The following KCNH5 variants were observed in gnomAD, a reference collection of about 807,000 sequenced individuals.
KCNH5 encodes voltage-gated delayed rectifier potassium channel KCNH5.
A neutral mutation model predicts 96.1 loss-of-function variants in KCNH5; 46 were observed. The observed-to-expected ratio is 0.48, with a 90% CI of 0.38 to 0.61. The LOEUF is 0.61. Ranked by LOEUF, KCNH5 falls within the 20% of genes least tolerant of loss-of-function variation. KCNH5 has a pLI of 0.00. For synonymous variants in KCNH5, 439 were observed against 449.8 expected (o/e 0.98, Z 0.30); for missense variants, 907 against 1,225.8 (o/e 0.74, Z 3.88).
intron 1 of KCNH5, among the ~76,000 whole-genome samples, chr14:63,036,749 G>T (rs1891729277): frequency 6.6e-6 from 1 of 152,088 alleles, no homozygotes; most frequent in Non-Finnish European, 1.5e-5. Context: ...CATTCTTTAG[G>T]AAGGAAAAGG....
intron 7 of KCNH5, among the ~76,000 whole-genome samples, chr14:62,938,969 T>C (rs369876768): frequency 1.3e-5 from 2 of 152,224 alleles, no homozygotes; most frequent in East Asian, 3.8e-4. Flanking sequence ...ATATTGGCTG[T>C]GAAAATTACT....
intron 9 of KCNH5, among the ~76,000 whole-genome samples, chr14:62,783,710 T>C (rs1483461357): frequency 6.6e-6 from 1 of 152,160 alleles, no homozygotes; most frequent in East Asian, 1.9e-4. Context: ...TTTAAAACCC[T>C]ATATGTCCAA....
Position 62,987,068 on chromosome 14 carries a change from T to G in KCNH5, c.549+4A>C. 6.2e-7 allele frequency: 1 copy of G among 1,602,536 alleles called. No individual in the cohort carries two copies. Among genetic ancestry groups the G allele is most frequent in the South Asian group, 1.1e-5 (1 of 90,792 alleles). On this transcript the variant is annotated splice_donor_region_variant and intron_variant, in intron 5 of 10. Coordinates refer to ENST00000322893, the MANE Select transcript of KCNH5 (RefSeq NM_139318.5). Reference sequence around the variant, plus strand: ...TTGGGAAGCAAAATTCATCTCATACTTACTTCAGCTAGTCTTGAATGTTTA... The same window carrying G: ...TTGGGAAGCAAAATTCATCTCATACGTACTTCAGCTAGTCTTGAATGTTTA...
chr14:62,908,782 ATTTTTTTTTTTTT>A lies in KCNH5; in HGVS notation c.1369+41338_1369+41350del, dbSNP rs71120241. 2.9e-3 allele frequency among the ~76,000 whole-genome samples: 68 copies of A among 23,722 alleles called. 2 individuals carry two copies. Among genetic ancestry groups the A allele is most frequent in the Middle Eastern group, 0.045 (1 of 22 alleles). 15.6% of individuals were successfully genotyped at this position (23,722 alleles called of 152,430 possible). ...TTGCCCTTTGTTGATTTTGCTTTGT[ATTTTTTTTTTTTT>A]TTTTTTTTTTTTTTTTTTGCTGTAA... On this transcript the variant is annotated intron_variant, in intron 7 of 10. Coordinates refer to ENST00000322893, the MANE Select transcript of KCNH5 (RefSeq NM_139318.5).
At chr14:62,896,958 A>G (rs1292855384) in intron 7 of KCNH5, among the ~76,000 whole-genome samples, 1 of 152,236 alleles carries the variant, frequency 6.6e-6, no homozygotes, top group Non-Finnish European at 1.5e-5. Context: ...ACATATGAGG[A>G]ATATACATAA....
At chr14:62,763,182 A>T (rs116094306) in intron 10 of KCNH5, among the ~76,000 whole-genome samples, 1,759 of 152,328 alleles carry the variant, frequency 0.012, 30 homozygotes, top group African/African-American at 0.04. Flanking sequence ...AACTGAAAAC[A>T]TATCAACCAC....
chr14:62,826,079 G>C (rs2140022634), intron 8 of KCNH5, among the ~76,000 whole-genome samples: 1 of 151,998 alleles, frequency 6.6e-6, no homozygotes, highest in Non-Finnish European at 1.5e-5. Context: ...TCTTATTTTT[G>C]TGTACCTGAC....
At position 62,814,782 on chromosome 14, in the gene KCNH5, C is replaced by CAAAAAAAAAAAAAAAA. The variant is rs71120235; in HGVS notation, c.1570-12217_1570-12202dup. 8.6e-4 allele frequency among the ~76,000 whole-genome samples: 29 copies of CAAAAAAAAAAAAAAAA among 33,754 alleles called. 6 individuals carry two copies. Among genetic ancestry groups the CAAAAAAAAAAAAAAAA allele is most frequent in the African/African-American group, 2.9e-3 (19 of 6,574 alleles). 22.1% of individuals were successfully genotyped at this position (33,754 alleles called of 152,430 possible). ...TGGGCGACAAAGCGAGACTCCATCT[C>CAAAAAAAAAAAAAAAA]AAAAAAAAAAAAAAAAAAAAAAAAA... is the stretch of plus-strand genomic sequence containing the variant. On this transcript the variant is annotated intron_variant, in intron 8 of 10. Transcript: ENST00000322893.
intron 8 of KCNH5, among the ~76,000 whole-genome samples, chr14:62,818,114 G>GGT: frequency 7.9e-6 from 1 of 125,968 alleles, no homozygotes; most frequent in Non-Finnish European, 1.7e-5. Flanking sequence ...GGGGGCGGGG[G>GGT]GGGGGTGGAA....
intron 7 of KCNH5, among the ~76,000 whole-genome samples, chr14:62,887,300 CATTAGTTAGATAT>C (rs1381133640): frequency 6.6e-6 from 1 of 152,050 alleles, no homozygotes; most frequent in African/African-American, 2.4e-5. Context: ...AGCAGAATTG[CATTAGTTAGATAT>C]TCTGGTAGTG....
At chr14:62,817,844 C>CAT (rs1566670493) in intron 8 of KCNH5, among the ~76,000 whole-genome samples, 1 of 137,902 alleles carries the variant, frequency 7.3e-6, no homozygotes, top group African/African-American at 2.7e-5. Flanking sequence ...ATATAATGGA[C>CAT]ATATATATAC....
intron 7 of KCNH5, among the ~76,000 whole-genome samples, chr14:62,884,470 C>CA (rs1566694412): frequency 6.6e-6 from 1 of 152,076 alleles, no homozygotes; most frequent in Non-Finnish European, 1.5e-5. Context: ...TACTAAAATA[C>CA]AAAAAATTAG....
intron 4 of KCNH5, among the ~76,000 whole-genome samples, chr14:63,000,361 A>G (rs1890988528): frequency 6.6e-6 from 1 of 152,236 alleles, no homozygotes; most frequent in African/African-American, 2.4e-5. Flanking sequence ...CTTCATTTAT[A>G]TGACACCAGT....
chr14:63,011,200 C>T (rs1284273210), intron 2 of KCNH5, among the ~76,000 whole-genome samples: 4 of 152,012 alleles, frequency 2.6e-5, no homozygotes, highest in Admixed American at 6.6e-5. Context: ...ATACAGTTTT[C>T]GGCCCGGCAC....
At chr14:62,860,671 A>G (rs1485959867) in intron 7 of KCNH5, among the ~76,000 whole-genome samples, 3 of 152,110 alleles carry the variant, frequency 2.0e-5, no homozygotes, top group Non-Finnish European at 4.4e-5. Flanking sequence ...TCTTTTCCCA[A>G]CTTCTTACTT....
intron 10 of KCNH5, among the ~76,000 whole-genome samples, chr14:62,762,219 G>T (rs1306801579): frequency 1.2e-4 from 19 of 152,120 alleles, no homozygotes; most frequent in Non-Finnish European, 1.5e-5. Context: ...GGTGGCTTTG[G>T]TCTTTGCTGA....
At chr14:62,743,522 T>G (rs557513280) in intron 10 of KCNH5, among the ~76,000 whole-genome samples, 2 of 152,380 alleles carry the variant, frequency 1.3e-5, no homozygotes, top group South Asian at 4.1e-4. Flanking sequence ...TTATGTTAAC[T>G]TGTTTTTATT....
At chr14:62,779,604 C>A in intron 10 of KCNH5, 124 bp downstream of exon 10, 2 of 695,650 alleles carry the variant, frequency 2.9e-6, no homozygotes, top group Non-Finnish European at 4.4e-6. Flanking sequence ...GAAAATTATG[C>A]CACTTTACAT....
intron 4 of KCNH5, among the ~76,000 whole-genome samples, chr14:62,993,129 T>C (rs1052040243): frequency 1.3e-5 from 2 of 152,088 alleles, no homozygotes; most frequent in Non-Finnish European, 1.5e-5. Context: ...TCTGTAAATA[T>C]GTGGCTTTAT....
Sources: allele counts gnomAD v4.1 joint callset (sites outside exome capture counted in the v4.1 genomes callset), GRCh38; gene constraint gnomAD v4.1.1; transcripts MANE v1.5; gene names NCBI Gene and HGNC (gene_info 2026-07-23, HGNC 2026-07-21).